The following PLXNA2 variants were observed in gnomAD, a reference collection of about 807,000 sequenced individuals.
The protein encoded by PLXNA2 is plexin-A2.
PLXNA2 carries 91 observed loss-of-function variants against 193.5 expected under a neutral mutation model. The ratio of observed to expected loss-of-function variants is 0.47; its 90% CI spans 0.40 to 0.56. The LOEUF (loss-of-function observed/expected upper bound fraction) is 0.56. Ranked by LOEUF, PLXNA2 falls within the 20% of genes least tolerant of loss-of-function variation. The pLI is 0.00. For synonymous variants in PLXNA2, 997 were observed against 1,027.3 expected (o/e 0.97, Z 0.56); for missense variants, 1,995 against 2,503.2 (o/e 0.80, Z 4.33).
At chr1:208,215,898 T>G (rs1671111465) in intron 2 of PLXNA2, among the ~76,000 whole-genome samples, 1 of 152,176 alleles carries the variant, frequency 6.6e-6, no homozygotes, top group African/African-American at 2.4e-5. Context: ...AGGTCTGGAT[T>G]CTGAGCTTTT....
intron 29 of PLXNA2, chr1:208,029,264 C>A (rs971615714): frequency 1.5e-6 from 2 of 1,368,942 alleles, no homozygotes; most frequent in South Asian, 1.5e-5. Context: ...GGCACTGACC[C>A]TGATCTCTAA....
intron 1 of PLXNA2, among the ~76,000 whole-genome samples, chr1:208,229,914 G>T (rs945492534): frequency 1.3e-5 from 2 of 152,210 alleles, no homozygotes; most frequent in Non-Finnish European, 2.9e-5. Flanking sequence ...GCTGGATGGC[G>T]CAGAGAAAAG....
intron 4 of PLXNA2, among the ~76,000 whole-genome samples, chr1:208,104,135 T>C (rs1220719462): frequency 6.6e-6 from 1 of 152,158 alleles, no homozygotes; most frequent in East Asian, 1.9e-4. Context: ...GTGCTGGGAA[T>C]GGGTTCTTAT....
intron 4 of PLXNA2, among the ~76,000 whole-genome samples, chr1:208,107,270 G>C (rs975307641): frequency 1.3e-5 from 2 of 152,158 alleles, no homozygotes; most frequent in South Asian, 2.1e-4. Context: ...CGATTCTTAC[G>C]CAGGCCAACC....
chr1:208,104,865 T>G (rs1018060421), intron 4 of PLXNA2, among the ~76,000 whole-genome samples: 2 of 152,178 alleles, frequency 1.3e-5, no homozygotes, highest in African/African-American at 4.8e-5. Context: ...ATCTTGCAAT[T>G]TAGCTTTAAA....
chr1:208,112,328 A>T lies in PLXNA2; in HGVS notation c.1507-9081T>A, dbSNP rs533596587. Among the ~76,000 whole-genome samples the T allele has an allele frequency of 3.0e-3, 452 of 152,288 alleles. 4 individuals are homozygous for T. The highest frequency in any genetic ancestry group is 0.01 in the African/African-American group (432 of 41,574). ...AGGCCATATTTTGTACTGGTTTTGCACTTTGAAGGGGACAGCCCTCAGTTT... is the reference window on the plus strand; with the variant it reads ...AGGCCATATTTTGTACTGGTTTTGCTCTTTGAAGGGGACAGCCCTCAGTTT... On this transcript the variant is annotated intron_variant, in intron 4 of 31. Transcript: ENST00000367033.
At chr1:208,073,029 G>A (rs577016589) in intron 12 of PLXNA2, among the ~76,000 whole-genome samples, 1 of 152,312 alleles carries the variant, frequency 6.6e-6, no homozygotes, top group East Asian at 1.9e-4. Flanking sequence ...AACCAGATGT[G>A]TGTGTGACAC....
chr1:208,194,497 A>G (rs527738153), intron 3 of PLXNA2, among the ~76,000 whole-genome samples: 12 of 149,620 alleles, frequency 8.0e-5, no homozygotes, highest in African/African-American at 2.7e-4. Context: ...AAAAAAAAAC[A>G]TACATGCAGT....
chr1:208,226,708 G>C (rs1004811159), intron 1 of PLXNA2, among the ~76,000 whole-genome samples: 1 of 152,164 alleles, frequency 6.6e-6, no homozygotes, highest in Admixed American at 6.5e-5. Flanking sequence ...GTCGCCACCC[G>C]GGCAGAGCTG....
At position 208,028,832 on chromosome 1, in the gene PLXNA2, C is replaced by T. The variant is rs748249858; in HGVS notation, c.5436G>A (p.Glu1812=). 1 of 1,613,536 alleles carries T rather than the reference C, an allele frequency of 6.2e-7. No individual in the cohort carries two copies. Among genetic ancestry groups the T allele is most frequent in the Non-Finnish European group, 8.5e-7 (1 of 1,179,796 alleles). ...CCTGTCCTGAGGGTGCTACTGACCT[C>T]TCCACCCAGCTCTTGTAGCTGGGGA... ...KDIPSYKSWV[E]RYYADIAKLP... The change falls in exon 30 of 32, where the codon GAG becomes GAA. Residue 1812 remains glutamate, a splice_region_variant and synonymous_variant. Coordinates refer to ENST00000367033, the MANE Select transcript of PLXNA2 (RefSeq NM_025179.4). The surrounding 1 kb of genome is among the most constrained non-coding windows in gnomAD (Gnocchi z 4.2).
At position 208,096,043 on chromosome 1, in the gene PLXNA2, G is replaced by A. The variant is rs2102407628; in HGVS notation, c.1968C>T (p.Cys656=). Residue 656 remains cysteine, a synonymous_variant, in exon 8 of 32, where the codon TGC becomes TGT. Transcript: ENST00000367033. ...TAAGCACTTACAGTTGGTGGGCACT[G>A]CAGTTGTAAAACTTGAACTCGGTGC... is the stretch of plus-strand genomic sequence containing the variant. The part of the protein sequence containing the change: ...FVSTEFKFYN[C]SAHQLCLSCV... 1 of 1,613,168 alleles carries A rather than the reference G, an allele frequency of 6.2e-7. No homozygotes were observed. Among genetic ancestry groups the A allele is most frequent in the Non-Finnish European group, 8.5e-7 (1 of 1,179,118 alleles).
At chr1:208,230,795 G>T (rs1671665877) in intron 1 of PLXNA2, among the ~76,000 whole-genome samples, 2 of 152,092 alleles carry the variant, frequency 1.3e-5, no homozygotes, top group African/African-American at 4.8e-5. Context: ...TTCTCTCTTT[G>T]TCTGAGACTC....
intron 2 of PLXNA2, among the ~76,000 whole-genome samples, chr1:208,210,775 A>G (rs1429296340): frequency 6.6e-6 from 1 of 152,142 alleles, no homozygotes; most frequent in Non-Finnish European, 1.5e-5. Context: ...CTCATTTTCT[A>G]TTTATTTTAA....
At chr1:208,160,940 G>C (rs1045246246) in intron 3 of PLXNA2, among the ~76,000 whole-genome samples, 1 of 152,210 alleles carries the variant, frequency 6.6e-6, no homozygotes, top group African/African-American at 2.4e-5. Flanking sequence ...TGGCATGAGG[G>C]AATCACATCA....
Position 208,033,334 on chromosome 1 carries a change from C to G in PLXNA2, c.5040G>C (p.Arg1680=). The G allele has an allele frequency of 6.2e-7, 1 of 1,612,908 alleles. No homozygotes were observed. Among genetic ancestry groups the G allele is most frequent in the South Asian group, 1.1e-5 (1 of 90,916 alleles). ...GGGGAGTTACCTTGGTGGCCAGTAG[C>G]CGGGTCAGGTAGATCTCGGACACCA... ...SKMVSEIYLT[R]LLATKGTLQK... Residue 1680 remains arginine, a synonymous_variant, in exon 28 of 32, where the codon CGG becomes CGC. Transcript: ENST00000367033.
At chr1:208,073,874 T>C (rs1267901475) in intron 12 of PLXNA2, among the ~76,000 whole-genome samples, 1 of 152,072 alleles carries the variant, frequency 6.6e-6, no homozygotes, top group Non-Finnish European at 1.5e-5. Flanking sequence ...CAGCAAAGAT[T>C]CCCAGCAACC....
chr1:208,205,441 C>T (rs1300152747), intron 3 of PLXNA2, among the ~76,000 whole-genome samples: 2 of 152,188 alleles, frequency 1.3e-5, no homozygotes, highest in Non-Finnish European at 2.9e-5. Flanking sequence ...CTTGCCCTGT[C>T]TGTGCCAAGC....
In PLXNA2 at chr1:208,103,233, G is replaced by C; in HGVS notation, c.1521C>G (p.Pro507=). ...VMSERQVTRV[P]VESCEQYTTC... is the part of the protein sequence containing the mutation. ...TCGTATACTGCTCACATGACTCCACGGGGACCCTGGTGACCTGGCAGAGAG... is the reference window on the plus strand; with the variant it reads ...TCGTATACTGCTCACATGACTCCACCGGGACCCTGGTGACCTGGCAGAGAG... Residue 507 remains proline (P), a synonymous_variant, in exon 5 of 32, where the codon CCC becomes CCG. Transcript: ENST00000367033. The C allele has an allele frequency of 6.2e-7, 1 of 1,613,546 alleles. No homozygotes were observed.
At chr1:208,231,620 C>T (rs1219059991) in intron 1 of PLXNA2, among the ~76,000 whole-genome samples, 1 of 152,174 alleles carries the variant, frequency 6.6e-6, no homozygotes, top group East Asian at 1.9e-4. Flanking sequence ...GTAATACGAA[C>T]AAGTATTTGT....
Sources: gnomAD v4.1 joint callset for allele counts (sites outside exome capture counted in the v4.1 genomes callset) on GRCh38, gnomAD v4.1.1 for gene constraint, Gnocchi (gnomAD v3.1) non-coding constraint, MANE v1.5 for transcripts, NCBI Gene and HGNC (gene_info 2026-07-23, HGNC 2026-07-21) for gene names.